NT5C2: variants seen among roughly 807,000 people sequenced by gnomAD.
NT5C2 encodes 5'-nucleotidase, cytosolic II, also known as cytosolic purine 5'-nucleotidase.
Under a neutral mutation model 76.1 loss-of-function variants are expected in NT5C2, and 58 were observed. The ratio of observed to expected loss-of-function variants is 0.76; its 90% CI spans 0.62 to 0.95. NT5C2 has a LOEUF of 0.95. Ranked by LOEUF, NT5C2 falls within the 40% of genes least tolerant of loss-of-function variation. The probability of loss-of-function intolerance (pLI) is 0.00; values close to 1 mark genes in which losing one functional copy is unlikely to be tolerated. For synonymous variants in NT5C2, 229 were observed against 237.4 expected (o/e 0.96, Z 0.32); for missense variants, 478 against 690.3 (o/e 0.69, Z 3.45).
intron 4 of NT5C2, among the ~76,000 whole-genome samples, chr10:103,122,196 C>T (rs1468344662): frequency 6.6e-6 from 1 of 152,186 alleles, no homozygotes. Context: ...ATTCTAACAA[C>T]ATTTCTAATA....
intron 3 of NT5C2, among the ~76,000 whole-genome samples, chr10:103,163,585 A>C (rs1281162062): frequency 2.0e-5 from 3 of 152,094 alleles, no homozygotes; most frequent in African/African-American, 7.2e-5. Flanking sequence ...CAGTCTTTTA[A>C]CCATTTCATA....
chr10:103,119,476 G>A (rs1343097194), intron 4 of NT5C2, among the ~76,000 whole-genome samples: 1 of 152,216 alleles, frequency 6.6e-6, no homozygotes, highest in South Asian at 2.1e-4. Flanking sequence ...AAGCCAGTGG[G>A]ATGAGGTAAT....
At chr10:103,106,386 T>A (rs564780011) in intron 5 of NT5C2, among the ~76,000 whole-genome samples, 1 of 152,302 alleles carries the variant, frequency 6.6e-6, no homozygotes, top group African/African-American at 2.4e-5. Context: ...AAACTGAGCT[T>A]AATTCAGGAA....
chr10:103,115,819 C>T (rs2074206873), intron 4 of NT5C2, among the ~76,000 whole-genome samples: 1 of 151,922 alleles, frequency 6.6e-6, no homozygotes, highest in Non-Finnish European at 1.5e-5. Context: ...TAAAATATGC[C>T]ATATATTTCA....
intron 1 of NT5C2, among the ~76,000 whole-genome samples, chr10:103,183,010 T>C (rs982364969): frequency 2.7e-4 from 41 of 152,074 alleles, no homozygotes; most frequent in African/African-American, 9.9e-4. Context: ...GGCCTCTCTG[T>C]AACATAGCCA....
At chr10:103,132,956 C>G (rs1023585763) in intron 4 of NT5C2, among the ~76,000 whole-genome samples, 2 of 152,150 alleles carry the variant, frequency 1.3e-5, no homozygotes, top group African/African-American at 2.4e-5. Flanking sequence ...ACATGCTGAG[C>G]AAAATAAGGC....
intron 4 of NT5C2, among the ~76,000 whole-genome samples, chr10:103,116,587 C>CTTTTTTTTTTTTT (rs11451961): frequency 1.2e-4 from 15 of 126,210 alleles, no homozygotes; most frequent in South Asian, 2.6e-4. Context: ...TTTTTTTTTT[C>CTTTTTTTTTTTTT]TTTTTTTTTT....
At chr10:103,125,257 T>C in intron 4 of NT5C2, 1 of 758,214 alleles carries the variant, frequency 1.3e-6, no homozygotes, top group South Asian at 1.4e-5. Flanking sequence ...CATCAATGAT[T>C]TCAAATTCGC....
intron 3 of NT5C2, among the ~76,000 whole-genome samples, chr10:103,161,971 G>A (rs1266172938): frequency 1.3e-5 from 2 of 152,120 alleles, no homozygotes; most frequent in Non-Finnish European, 2.9e-5. Context: ...TATACTAAAA[G>A]CCACTGAATA....
chr10:103,088,846 A>C lies in NT5C2; in HGVS notation c.*826T>G. ...AAGAAATCTGGAATTGGGTAGCATG[A>C]GCCACAGCTATATAGCCCACACTAA... On this transcript the variant is annotated 3_prime_UTR_variant, in exon 19 of 19. Transcript: ENST00000404739. 1 of 198,614 alleles carries C rather than the reference A, an allele frequency of 5.0e-6. No homozygotes were observed. Among genetic ancestry groups the C allele is most frequent in the South Asian group, 1.9e-4 (1 of 5,232 alleles). 12.3% of individuals were successfully genotyped at this position (198,614 alleles called of 1,614,324 possible).
intron 3 of NT5C2, among the ~76,000 whole-genome samples, chr10:103,169,950 C>G (rs1474230548): frequency 6.6e-6 from 1 of 151,972 alleles, no homozygotes; most frequent in Non-Finnish European, 1.5e-5. Context: ...CATGGTGAAA[C>G]CCAGTCTCTA....
At chr10:103,159,445 C>T (rs925927627) in intron 3 of NT5C2, among the ~76,000 whole-genome samples, 1 of 151,796 alleles carries the variant, frequency 6.6e-6, no homozygotes, top group Non-Finnish European at 1.5e-5. Flanking sequence ...TAATGAAAGA[C>T]ACCAGACTGG....
At chr10:103,158,248 T>C (rs909701203) in intron 3 of NT5C2, among the ~76,000 whole-genome samples, 1 of 152,090 alleles carries the variant, frequency 6.6e-6, no homozygotes, top group African/African-American at 2.4e-5. Flanking sequence ...AGAAAATTTA[T>C]AGCTGTAAAT....
At chr10:103,175,820 C>A in intron 2 of NT5C2, 1 of 183,718 alleles carries the variant, frequency 5.4e-6, no homozygotes, top group Non-Finnish European at 1.1e-5. Context: ...CTCAAGAAGT[C>A]TTTCAAATTC....
intron 11 of NT5C2, among the ~76,000 whole-genome samples, chr10:103,096,364 T>C (rs751094544): frequency 9.9e-5 from 15 of 152,252 alleles, no homozygotes; most frequent in African/African-American, 2.9e-4. Flanking sequence ...CAACGGTTTA[T>C]GTAAGACTGT....
chr10:103,171,822 A>C (rs1354736091), intron 3 of NT5C2, among the ~76,000 whole-genome samples: 2 of 151,914 alleles, frequency 1.3e-5, no homozygotes, highest in Non-Finnish European at 2.9e-5. Flanking sequence ...ACTTTGGGAG[A>C]CCAAGGCTGG....
At chr10:103,175,128 G>T in intron 2 of NT5C2, 146 bp from the exon 3 acceptor site, 1 of 507,360 alleles carries the variant, frequency 2.0e-6, no homozygotes, top group South Asian at 3.3e-5. Flanking sequence ...TAAATATGCT[G>T]AAAATTATAC....
intron 2 of NT5C2, among the ~76,000 whole-genome samples, chr10:103,176,974 T>C (rs1408311997): frequency 1.3e-5 from 2 of 152,052 alleles, no homozygotes; most frequent in South Asian, 2.1e-4. Context: ...AAACTTTTAA[T>C]GGCCAAACCT....
intron 3 of NT5C2, among the ~76,000 whole-genome samples, chr10:103,139,824 C>A (rs1423388294): frequency 1.3e-5 from 2 of 152,082 alleles, no homozygotes; most frequent in East Asian, 3.8e-4. Context: ...TAAATATAGC[C>A]CTCATGCTAT....
Sources: allele counts gnomAD v4.1 joint callset (sites outside exome capture counted in the v4.1 genomes callset), GRCh38; gene constraint gnomAD v4.1.1; transcripts MANE v1.5; gene names NCBI Gene and HGNC (gene_info 2026-07-23, HGNC 2026-07-21).